ATP2B2: variants seen among roughly 807,000 people sequenced by gnomAD.
ATP2B2 encodes plasma membrane calcium-transporting ATPase 2.
ATP2B2 carries 15 observed loss-of-function variants against 120.0 expected under a neutral mutation model. The observed-to-expected ratio is 0.12, with a 90% CI of 0.08 to 0.19. The LOEUF is 0.19. Among genes scored for constraint, ATP2B2 ranks in the 10% least tolerant of loss-of-function variants. The probability of loss-of-function intolerance (pLI) is 1.00; values close to 1 mark genes in which losing one functional copy is unlikely to be tolerated. For synonymous variants in ATP2B2, 694 were observed against 700.3 expected, an observed-to-expected ratio of 0.99 and a Z score of 0.14; for missense variants, 1,045 against 1,719.8, an observed-to-expected ratio of 0.61 and a Z score of 6.94.
At chr3:10,642,528 C>G (rs937329786) in intron 1 of ATP2B2, among the ~76,000 whole-genome samples, 1 of 152,170 alleles carries the variant, frequency 6.6e-6, no homozygotes, top group African/African-American at 2.4e-5. Context: ...TGTACATGTA[C>G]ACCCACACAC....
chr3:10,402,074 G>C lies in ATP2B2; in HGVS notation c.655+17C>G. 1 of 1,612,784 alleles carries C rather than the reference G, an allele frequency of 6.2e-7. No individual in the cohort carries two copies. Among genetic ancestry groups the C allele is most frequent in the Non-Finnish European group, 8.5e-7 (1 of 1,180,008 alleles). On this transcript the variant is annotated intron_variant, in intron 4 of 22. Coordinates refer to ENST00000360273, the MANE Select transcript of ATP2B2 (RefSeq NM_001001331.4). This position sits in a 1 kb window ranked among gnomAD's most constrained non-coding sequence, Gnocchi z 4.9. ...GAATCCAGCTTTAGAACCTGGCTCTGTGGCTGGGACACTTACCATATTTGA... is the reference window on the plus strand; with the variant it reads ...GAATCCAGCTTTAGAACCTGGCTCTCTGGCTGGGACACTTACCATATTTGA...
intron 1 of ATP2B2, among the ~76,000 whole-genome samples, chr3:10,499,457 A>C (rs1300523225): frequency 2.0e-5 from 3 of 152,218 alleles, no homozygotes; most frequent in African/African-American, 7.2e-5. Flanking sequence ...CCTCCCACGC[A>C]TTACATGGGA....
intron 1 of ATP2B2, among the ~76,000 whole-genome samples, chr3:10,699,187 C>G (rs1267472388): frequency 6.6e-6 from 1 of 152,206 alleles, no homozygotes; most frequent in Non-Finnish European, 1.5e-5. Context: ...CTAAACAGTT[C>G]TCTTTGATTC....
At chr3:10,384,237 T>A (rs989872482) in intron 8 of ATP2B2, among the ~76,000 whole-genome samples, 2 of 152,114 alleles carry the variant, frequency 1.3e-5, no homozygotes, top group Non-Finnish European at 2.9e-5. Context: ...GTCTCCATAT[T>A]TTGCAGGAGT....
intron 2 of ATP2B2, among the ~76,000 whole-genome samples, chr3:10,414,265 A>G (rs749768600): frequency 6.6e-6 from 1 of 152,188 alleles, no homozygotes; most frequent in South Asian, 2.1e-4. Context: ...CGGAGTCCAC[A>G]GTGTAAATAG....
Position 10,371,850 on chromosome 3 carries a change from T to G in ATP2B2, c.1618A>C (p.Asn540His). 6.2e-7 allele frequency: 1 copy of G among 1,614,186 alleles called. No individual in the cohort carries two copies. Among genetic ancestry groups the G allele is most frequent in the Admixed American group, 1.7e-5 (1 of 60,018 alleles). ...INTKTMELLINAIAINSAYTT... is the reference protein window; with the variant it reads ...INTKTMELLIHAIAINSAYTT... ...TAGGCGCTGTTGATGGCGATGGCAT[T>G]GATCAGCAGCTCCATGGTCTTGGTG... Residue 540 changes from asparagine to histidine, a missense_variant, in exon 12 of 23, where the codon AAT becomes CAT. Coordinates refer to ENST00000360273, the MANE Select transcript of ATP2B2 (RefSeq NM_001001331.4).
intron 1 of ATP2B2, among the ~76,000 whole-genome samples, chr3:10,667,282 G>A (rs1326596742): frequency 6.6e-6 from 1 of 152,210 alleles, no homozygotes; most frequent in Non-Finnish European, 1.5e-5. Context: ...CTGGCTCAAA[G>A]TCATCCAGCT....
intron 12 of ATP2B2, among the ~76,000 whole-genome samples, chr3:10,363,452 C>A (rs1471407605): frequency 6.6e-6 from 1 of 152,206 alleles, no homozygotes; most frequent in Non-Finnish European, 1.5e-5. Context: ...TGGGACTGCC[C>A]CAGAGCCCCT....
At chr3:10,500,504 G>A (rs1640964296) in intron 1 of ATP2B2, among the ~76,000 whole-genome samples, 2 of 152,010 alleles carry the variant, frequency 1.3e-5, no homozygotes, top group Admixed American at 1.3e-4. Context: ...TCTAGGTTGG[G>A]CCCTAAATCC....
chr3:10,405,586 G>T (rs1025457138), intron 3 of ATP2B2, among the ~76,000 whole-genome samples: 1 of 152,100 alleles, frequency 6.6e-6, no homozygotes, highest in African/African-American at 2.4e-5. Context: ...CTCCTCTGGG[G>T]CTCCCTTGGA....
At position 10,475,103 on chromosome 3, in the gene ATP2B2, G is replaced by T. The variant is rs150296471; in HGVS notation, c.-319-25241C>A. Among the ~76,000 whole-genome samples, 20 of 152,374 alleles carry T rather than the reference G, an allele frequency of 1.3e-4. No homozygotes were observed. In the East Asian group the frequency reaches 3.3e-3, roughly 25 times the overall value. On this transcript the variant is annotated intron_variant, in intron 1 of 22. Transcript: ENST00000360273. Reference sequence around the variant, plus strand: ...AGGACGGTTAAGAGAGGGAGGAGGTGAGCGGGCGTCAGCACGAGGGGTGGC... The same window carrying T: ...AGGACGGTTAAGAGAGGGAGGAGGTTAGCGGGCGTCAGCACGAGGGGTGGC...
rs555998696 is a variant in ATP2B2, at chr3:10,347,749, G to A, written c.2405-1612C>T. Among the ~76,000 whole-genome samples the A allele has an allele frequency of 5.3e-5, 8 of 152,198 alleles. No homozygotes were observed. Among genetic ancestry groups the A allele is most frequent in the Admixed American group, 1.3e-4 (2 of 15,278 alleles). On this transcript the variant is annotated intron_variant, in intron 16 of 22. Coordinates refer to ENST00000360273, the MANE Select transcript of ATP2B2 (RefSeq NM_001001331.4). The surrounding 1 kb of genome is among the most constrained non-coding windows in gnomAD (Gnocchi z 5.2). ...CTGTGGCTCCCAGGTGGTGCGGACC[G>A]TTGCGTAGCTCAAGCTGTGCGGAAA...
intron 6 of ATP2B2, among the ~76,000 whole-genome samples, chr3:10,386,932 A>C (rs2061699406): frequency 6.6e-6 from 1 of 152,172 alleles, no homozygotes; most frequent in Non-Finnish European, 1.5e-5. Context: ...AAAACCACAG[A>C]TCTGGCCCTG....
chr3:10,356,953 G>T (rs1163161287), intron 14 of ATP2B2, among the ~76,000 whole-genome samples: 1 of 148,464 alleles, frequency 6.7e-6, no homozygotes, highest in African/African-American at 2.6e-5. Flanking sequence ...CCCAAGGAGG[G>T]TGTGTGTGTA....
chr3:10,604,205 C>T (rs770623730), intron 2 of ATP2B2, among the ~76,000 whole-genome samples: 9 of 152,058 alleles, frequency 5.9e-5, no homozygotes, highest in Non-Finnish European at 8.8e-5. Flanking sequence ...TCTAGGATCT[C>T]TCCTCCCCTC....
chr3:10,695,690 T>A (rs926126133), intron 1 of ATP2B2, among the ~76,000 whole-genome samples: 7 of 152,166 alleles, frequency 4.6e-5, no homozygotes, highest in Non-Finnish European at 1.0e-4. Context: ...CTACCTGACC[T>A]ACAGCAGACT....
chr3:10,679,732 G>A (rs1178917325), intron 1 of ATP2B2, among the ~76,000 whole-genome samples: 1 of 152,208 alleles, frequency 6.6e-6, no homozygotes, highest in Non-Finnish European at 1.5e-5. Flanking sequence ...GCAGATTCAT[G>A]TGAATATGCA....
At chr3:10,598,646 C>T (rs2068828179) in intron 2 of ATP2B2, among the ~76,000 whole-genome samples, 1 of 152,196 alleles carries the variant, frequency 6.6e-6, no homozygotes, top group African/African-American at 2.4e-5. Context: ...CCCTGCACTC[C>T]CCACACCTAC....
intron 2 of ATP2B2, among the ~76,000 whole-genome samples, chr3:10,590,600 G>A (rs1414807511): frequency 1.3e-5 from 2 of 152,182 alleles, no homozygotes; most frequent in African/African-American, 4.8e-5. Context: ...AAGAGGCACA[G>A]CTGCTCTTGG....
Sources: gnomAD v4.1 joint callset for allele counts (sites outside exome capture counted in the v4.1 genomes callset) on GRCh38, gnomAD v4.1.1 for gene constraint, Gnocchi (gnomAD v3.1) non-coding constraint, MANE v1.5 for transcripts, NCBI Gene and HGNC (gene_info 2026-07-23, HGNC 2026-07-21) for gene names.